The following ACMSD variants were observed in gnomAD, a reference collection of about 807,000 sequenced individuals.
ACMSD encodes 2-amino-3-carboxymuconate-6-semialdehyde decarboxylase.
In ACMSD, 37 loss-of-function variants were observed where a neutral mutation model predicts 45.9. The ratio of observed to expected loss-of-function variants is 0.81; its 90% confidence interval spans 0.62 to 1.06. The LOEUF (loss-of-function observed/expected upper bound fraction) is 1.06, where lower values mean the gene tolerates loss of function less well. ACMSD is among the 50% of genes least tolerant of loss of function. ACMSD has a pLI of 0.00. For missense variants in ACMSD, 434 were observed against 420.9 expected (o/e 1.03, Z -0.27); for synonymous variants, 138 against 148.8 (o/e 0.93, Z 0.53).
At chr2:134,888,718 CTGAA>C (rs1689603163) in intron 8 of ACMSD, among the ~76,000 whole-genome samples, 3 of 151,974 alleles carry the variant, frequency 2.0e-5, no homozygotes, top group Admixed American at 2.0e-4. Flanking sequence ...TTACAAAAGG[CTGAA>C]TGAATGAAGC....
chr2:134,894,740 CAATTAGGCAAGAAAAACAAAGAA>C (rs1295862325), intron 8 of ACMSD, among the ~76,000 whole-genome samples: 1 of 151,772 alleles, frequency 6.6e-6, no homozygotes, highest in Admixed American at 6.6e-5. Context: ...CTAGTCAAGG[CAATTAGGCAAGAAAAACAAAGAA>C]AAAGCATCTA....
chr2:134,883,403 C>T (rs897778487), intron 8 of ACMSD, among the ~76,000 whole-genome samples: 1 of 152,134 alleles, frequency 6.6e-6, no homozygotes, highest in African/African-American at 2.4e-5. Context: ...TCATCCAAGG[C>T]CATATCATAT....
intron 4 of ACMSD, among the ~76,000 whole-genome samples, chr2:134,862,782 G>A (rs1379775101): frequency 6.6e-6 from 1 of 152,214 alleles, no homozygotes; most frequent in Non-Finnish European, 1.5e-5. Context: ...GAGGCTGCAG[G>A]AGAGGACCAG....
chr2:134,895,006 T>G (rs1690016592), intron 8 of ACMSD, among the ~76,000 whole-genome samples: 1 of 152,024 alleles, frequency 6.6e-6, no homozygotes, highest in African/African-American at 2.4e-5. Flanking sequence ...AAAACATTTG[T>G]GAAAAATATA....
At chr2:134,879,096 T>C (rs1688901334) in intron 8 of ACMSD, among the ~76,000 whole-genome samples, 1 of 152,252 alleles carries the variant, frequency 6.6e-6, no homozygotes, top group South Asian at 2.1e-4. Context: ...ATTTAGTTTT[T>C]GCCAGAAATC....
At chr2:134,898,046 A>G (rs1300276956) in intron 8 of ACMSD, among the ~76,000 whole-genome samples, 1 of 151,562 alleles carries the variant, frequency 6.6e-6, no homozygotes, top group African/African-American at 2.4e-5. Flanking sequence ...TTTAGTAAAT[A>G]AATATCAATT....
At chr2:134,882,185 T>C (rs1031415516) in intron 8 of ACMSD, among the ~76,000 whole-genome samples, 19 of 152,210 alleles carry the variant, frequency 1.2e-4, no homozygotes, top group African/African-American at 4.6e-4. Flanking sequence ...TTTAAATTTG[T>C]TTGAATACTT....
Position 134,901,859 on chromosome 2 carries a change from G to C in ACMSD, c.1010G>C (p.Ter337SerextTer18). Residue 337 changes from the stop codon to serine (S), a stop_lost, in exon 10 of 10, where the codon TGA (stop) becomes TCA (serine). Coordinates refer to ENST00000356140, the MANE Select transcript of ACMSD (RefSeq NM_138326.3). The stretch of plus-strand genomic sequence containing the variant: ...GGTCTTGAGAGAAAACAATTTGAAT[G>C]ACTGAATTTACTACAAAGGCAAACT... The part of the protein sequence containing the change: ...FLGLERKQFE[*>S] 6.3e-7 allele frequency: 1 copy of C among 1,598,138 alleles called. No individual in the cohort carries two copies.
At chr2:134,875,283 T>C (rs1371510543) in intron 8 of ACMSD, among the ~76,000 whole-genome samples, 1 of 152,180 alleles carries the variant, frequency 6.6e-6, no homozygotes, top group African/African-American at 2.4e-5. Context: ...TGAGTCACCA[T>C]AACTGACCCA....
At chr2:134,868,351 G>C (rs1010386471) in intron 6 of ACMSD, among the ~76,000 whole-genome samples, 12 of 151,758 alleles carry the variant, frequency 7.9e-5, no homozygotes, top group Non-Finnish European at 1.6e-4. Flanking sequence ...AAGAGATAGA[G>C]AACAGATGTA....
At chr2:134,850,475 T>C (rs1219754184) in intron 2 of ACMSD, among the ~76,000 whole-genome samples, 1 of 151,902 alleles carries the variant, frequency 6.6e-6, no homozygotes, top group Non-Finnish European at 1.5e-5. Context: ...ACCATGTCGG[T>C]CAGGCTGGTC....
intron 8 of ACMSD, among the ~76,000 whole-genome samples, chr2:134,877,803 T>A (rs1688829317): frequency 6.6e-6 from 1 of 152,136 alleles, no homozygotes; most frequent in Non-Finnish European, 1.5e-5. Context: ...ATTAATTCCA[T>A]CACATTTTAT....
intron 8 of ACMSD, among the ~76,000 whole-genome samples, chr2:134,885,129 G>A (rs1227937677): frequency 2.0e-5 from 3 of 149,044 alleles, no homozygotes; most frequent in Non-Finnish European, 4.4e-5. Flanking sequence ...CTCGGAGGCA[G>A]AAGTTGCAGT....
chr2:134,870,078 T>A (rs903052274), intron 6 of ACMSD, among the ~76,000 whole-genome samples: 3 of 152,146 alleles, frequency 2.0e-5, no homozygotes, highest in African/African-American at 7.2e-5. Flanking sequence ...AGAATGAGCA[T>A]CCTGTGAAGC....
intron 2 of ACMSD, among the ~76,000 whole-genome samples, chr2:134,847,704 G>A (rs980583205): frequency 2.6e-5 from 4 of 152,118 alleles, no homozygotes; most frequent in Non-Finnish European, 5.9e-5. Flanking sequence ...GTGAGAACAT[G>A]CAGTGTTTGG....
chr2:134,840,103 A>G (rs753045269), intron 1 of ACMSD, among the ~76,000 whole-genome samples: 2 of 146,206 alleles, frequency 1.4e-5, no homozygotes, highest in African/African-American at 2.5e-5. Context: ...CCCTAATCTG[A>G]GAGTTTTAGA....
At chr2:134,885,179 G>A (rs1689253070) in intron 8 of ACMSD, among the ~76,000 whole-genome samples, 1 of 141,504 alleles carries the variant, frequency 7.1e-6, no homozygotes, top group East Asian at 2.0e-4. Flanking sequence ...CTGGGTGATG[G>A]AGTGAGACTT....
At chr2:134,891,129 A>G (rs572908711) in intron 8 of ACMSD, among the ~76,000 whole-genome samples, 3 of 152,044 alleles carry the variant, frequency 2.0e-5, no homozygotes, top group Admixed American at 6.6e-5. Context: ...TGCAGAAGCT[A>G]TTTAGTGAAT....
chr2:134,885,268 A>T (rs1274984628), intron 8 of ACMSD, among the ~76,000 whole-genome samples: 2 of 79,056 alleles, frequency 2.5e-5, no homozygotes, highest in South Asian at 4.9e-4. Flanking sequence ...TATATATATA[A>T]ATATATATAT....
Sources: gnomAD v4.1 joint callset for allele counts (sites outside exome capture counted in the v4.1 genomes callset) on GRCh38, gnomAD v4.1.1 for gene constraint, MANE v1.5 for transcripts, NCBI Gene and HGNC (gene_info 2026-07-23, HGNC 2026-07-21) for gene names.